Variants in YES1 observed in about 807,000 individuals in gnomAD.
YES1 encodes the protein YES proto-oncogene 1, Src family tyrosine kinase, also known as tyrosine-protein kinase Yes.
YES1 carries 39 observed loss-of-function variants against 70.4 expected under a neutral mutation model. The observed-to-expected ratio is 0.55, with a 90% CI of 0.43 to 0.72. YES1 has a LOEUF of 0.72. YES1 is among the 30% of genes least tolerant of loss of function. The pLI, the probability that YES1 is intolerant of heterozygous loss-of-function variation, is 0.00. For synonymous variants in YES1, 198 were observed against 218.6 expected (o/e 0.91, Z 0.83); for missense variants, 495 against 644.8 (o/e 0.77, Z 2.52).
chr18:727,874 T>G (rs2080040170), intron 11 of YES1, among the ~76,000 whole-genome samples: 1 of 152,192 alleles, frequency 6.6e-6, no homozygotes, highest in African/African-American at 2.4e-5. Flanking sequence ...TGAGGAAAAG[T>G]TAGCTGTCTG....
chr18:798,400 C>G (rs62088357), intron 1 of YES1, among the ~76,000 whole-genome samples: 14,690 of 152,158 alleles, frequency 0.097, 825 homozygotes, highest in East Asian at 0.26. Context: ...GCTTCACAAC[C>G]CTCTTTTCTA....
At chr18:731,990 C>A (rs928848893) in intron 11 of YES1, among the ~76,000 whole-genome samples, 2 of 128,968 alleles carry the variant, frequency 1.6e-5, no homozygotes, top group African/African-American at 3.0e-5. Flanking sequence ...AAAAAAAAGT[C>A]TCTTAATTTT....
At chr18:770,935 C>T (rs1301654865) in intron 1 of YES1, among the ~76,000 whole-genome samples, 1 of 150,836 alleles carries the variant, frequency 6.6e-6, no homozygotes, top group Admixed American at 6.6e-5. Context: ...AGCTTGAGGG[C>T]AGTGACTGTT....
intron 11 of YES1, 70 bp downstream of exon 11, chr18:732,764 A>G (rs1408785329): frequency 1.2e-6 from 2 of 1,601,676 alleles, no homozygotes; most frequent in Non-Finnish European, 1.7e-6. Context: ...CCCGCTTACA[A>G]TTCTGTTCCT....
chr18:726,207 C>T (rs1219532914), intron 11 of YES1, among the ~76,000 whole-genome samples: 1 of 152,054 alleles, frequency 6.6e-6, no homozygotes, highest in Non-Finnish European at 1.5e-5. Context: ...AGGCAGATCA[C>T]GAGGTCAAGA....
intron 2 of YES1, among the ~76,000 whole-genome samples, chr18:756,282 T>TG (rs5822577): frequency 0.43 from 64,061 of 149,018 alleles, 13,581 homozygotes; most frequent in South Asian, 0.49. Context: ...GTGCCTACAG[T>TG]GGGGGGGGGC....
intron 1 of YES1, among the ~76,000 whole-genome samples, chr18:760,829 A>G (rs960908369): frequency 1.3e-5 from 2 of 152,224 alleles, no homozygotes; most frequent in African/African-American, 4.8e-5. Context: ...GAAGTTTAAG[A>G]GAAGCTAAAA....
chr18:801,191 G>C (rs2145834295), intron 1 of YES1, among the ~76,000 whole-genome samples: 1 of 152,104 alleles, frequency 6.6e-6, no homozygotes, highest in East Asian at 1.9e-4. Context: ...AAATTAGCCA[G>C]GCATAGTGGT....
At chr18:769,008 A>G (rs1341038248) in intron 1 of YES1, among the ~76,000 whole-genome samples, 2 of 152,044 alleles carry the variant, frequency 1.3e-5, no homozygotes, top group African/African-American at 4.8e-5. Context: ...GGCCCTAGAT[A>G]TGTTTAGATA....
intron 9 of YES1, chr18:739,085 A>T (rs62088293): frequency 0.088 from 13,427 of 152,270 alleles, 746 homozygotes; most frequent in East Asian, 0.27. Flanking sequence ...TCGGCCTCTC[A>T]AAGTGCTCAG....
chr18:788,978 G>C (rs1277979464), intron 1 of YES1, among the ~76,000 whole-genome samples: 1 of 152,050 alleles, frequency 6.6e-6, no homozygotes, highest in Non-Finnish European at 1.5e-5. Context: ...CATGTAAAAA[G>C]TTTGTTGAAC....
intron 2 of YES1, among the ~76,000 whole-genome samples, chr18:755,398 A>G (rs547284397): frequency 6.6e-6 from 1 of 152,078 alleles, no homozygotes; most frequent in Admixed American, 6.6e-5. Flanking sequence ...ACAGGTGCGC[A>G]ACACCACACC....
At chr18:782,666 A>T (rs1905732618) in intron 1 of YES1, among the ~76,000 whole-genome samples, 2 of 152,220 alleles carry the variant, frequency 1.3e-5, no homozygotes, top group Non-Finnish European at 2.9e-5. Context: ...AATATAAAAC[A>T]TGTAAAAAGG....
chr18:742,213 G>A (rs200994862), intron 8 of YES1, among the ~76,000 whole-genome samples: 60 of 152,174 alleles, frequency 3.9e-4, no homozygotes, highest in African/African-American at 1.4e-3. Flanking sequence ...TCTGCACAGG[G>A]AAAAAGAGGA....
intron 6 of YES1, among the ~76,000 whole-genome samples, chr18:744,689 CTTTTTTTTTT>C (rs71174284): frequency 3.5e-5 from 2 of 56,862 alleles, no homozygotes; most frequent in Non-Finnish European, 6.6e-5. Flanking sequence ...CACGCCTGGC[CTTTTTTTTTT>C]TTTTTTTTTT....
intron 1 of YES1, among the ~76,000 whole-genome samples, chr18:801,754 A>C (rs998910408): frequency 1.3e-5 from 2 of 152,326 alleles, no homozygotes; most frequent in African/African-American, 4.8e-5. Context: ...TCACAAACCC[A>C]AACCTATAAA....
At chr18:801,709 T>C (rs753413613) in intron 1 of YES1, among the ~76,000 whole-genome samples, 1 of 152,216 alleles carries the variant, frequency 6.6e-6, no homozygotes, top group African/African-American at 2.4e-5. Flanking sequence ...AGAGTGTGTA[T>C]GTGTATATAC....
chr18:784,259 T>C (rs2145803277), intron 1 of YES1, among the ~76,000 whole-genome samples: 1 of 152,344 alleles, frequency 6.6e-6, no homozygotes, highest in African/African-American at 2.4e-5. Context: ...TAAAGATGTA[T>C]CTAAGTGTGT....
At chr18:773,748 A>G (rs1905252721) in intron 1 of YES1, among the ~76,000 whole-genome samples, 1 of 152,226 alleles carries the variant, frequency 6.6e-6, no homozygotes, top group African/African-American at 2.4e-5. Context: ...CATTCACTTA[A>G]AATACAATCT....
Sources: gnomAD v4.1 joint callset for allele counts (sites outside exome capture counted in the v4.1 genomes callset) on GRCh38, gnomAD v4.1.1 for gene constraint, MANE v1.5 for transcripts, NCBI Gene and HGNC (gene_info 2026-07-23, HGNC 2026-07-21) for gene names.